The following ZFHX3 variants were observed in gnomAD, a reference collection of about 807,000 sequenced individuals.
The protein encoded by ZFHX3 is zinc finger homeobox protein 3.
In ZFHX3, 42 loss-of-function variants were observed where a neutral mutation model predicts 279.1. The observed-to-expected ratio is 0.15, with a 90% CI of 0.12 to 0.19. ZFHX3 has a LOEUF of 0.19. Ranked by LOEUF, ZFHX3 falls within the 10% of genes least tolerant of loss-of-function variation. The pLI, the probability that ZFHX3 is intolerant of heterozygous loss-of-function variation, is 1.00. For synonymous variants in ZFHX3, 2,293 were observed against 1,957.8 expected (o/e 1.17, Z -4.52); for missense variants, 4,981 against 4,754.0 (o/e 1.05, Z -1.40).
chr16:72,909,146 G>C (rs1421656792), intron 3 of ZFHX3, among the ~76,000 whole-genome samples: 1 of 152,174 alleles, frequency 6.6e-6, no homozygotes, highest in Non-Finnish European at 1.5e-5. Context: ...AAGCGGTTTG[G>C]GGAGAATAAT....
chr16:72,874,373 A>AT (rs1462955218), intron 4 of ZFHX3, among the ~76,000 whole-genome samples: 2 of 151,542 alleles, frequency 1.3e-5, no homozygotes, highest in East Asian at 1.9e-4. Flanking sequence ...CACCAGGCTA[A>AT]TTTTTTGTAT....
intron 7 of ZFHX3, among the ~76,000 whole-genome samples, chr16:73,103,907 C>G (rs1966261750): frequency 6.6e-6 from 1 of 152,082 alleles, no homozygotes; most frequent in South Asian, 2.1e-4. Context: ...ATGTAGTAAA[C>G]CAAGGCAAGG....
At chr16:73,128,383 C>T (rs1053310262) in intron 7 of ZFHX3, among the ~76,000 whole-genome samples, 1 of 152,208 alleles carries the variant, frequency 6.6e-6, no homozygotes, top group South Asian at 2.1e-4. Context: ...CTCAAAGCAA[C>T]CATGTGAAGA....
At chr16:73,873,442 A>G (rs567379366) in intron 1 of ZFHX3, among the ~76,000 whole-genome samples, 1 of 152,080 alleles carries the variant, frequency 6.6e-6, no homozygotes, top group African/African-American at 2.4e-5. Context: ...AAATCCTCCC[A>G]CTCATTTTAT....
Position 72,950,713 on chromosome 16 carries a change from T to A in ZFHX3, c.2972A>T (p.Tyr991Phe). 3.7e-6 allele frequency: 6 copies of A among 1,614,232 alleles called. No homozygotes were observed. Among genetic ancestry groups the A allele is most frequent in the Non-Finnish European group, 5.1e-6 (6 of 1,180,036 alleles). The change falls in exon 3 of 10, where the codon TAC (tyrosine) becomes TTC (phenylalanine). Residue 991 changes from tyrosine (Y) to phenylalanine (F), a missense_variant. Tyr to Phe is a conservative substitution (Grantham distance 22). Around this residue, in one of 7 missense-constraint regions of ZFHX3, gnomAD observed 1,751 missense variants for 1,770.0 expected, o/e 0.99. Transcript: ENST00000268489. The part of the protein sequence containing the change: ...GDSYQCKLCR[Y>F]NTQLKANFQL... ...GAAGTTGGCCTTGAGCTGGGTGTTG[T>A]AGCGGCAGAGCTTGCACTGGTATGA...
chr16:73,563,173 TGTGTGTGTGTGTGTGTGTGTGTG>T (rs768151406), intron 2 of ZFHX3, among the ~76,000 whole-genome samples: 2 of 2,782 alleles, frequency 7.2e-4, no homozygotes, highest in Non-Finnish European at 2.3e-3. Context: ...TGTTTTGTTG[TGTGTGTGTGTGTGTGTGTGTGTG>T]TGTGTGTGTG....
chr16:73,414,016 G>A (rs1178070379), intron 3 of ZFHX3, among the ~76,000 whole-genome samples: 1 of 152,214 alleles, frequency 6.6e-6, no homozygotes, highest in East Asian at 1.9e-4. Flanking sequence ...GACAAGTCCT[G>A]CAGTTAAAAA....
chr16:73,769,069 A>C (rs1174114708), intron 1 of ZFHX3, among the ~76,000 whole-genome samples: 1 of 152,172 alleles, frequency 6.6e-6, no homozygotes, highest in Non-Finnish European at 1.5e-5. Flanking sequence ...AATTCGAACT[A>C]AACTGGGCAT....
chr16:73,297,130 G>A (rs1402341299), intron 4 of ZFHX3, among the ~76,000 whole-genome samples: 1 of 151,776 alleles, frequency 6.6e-6, no homozygotes, highest in Non-Finnish European at 1.5e-5. Flanking sequence ...GCCCGCCTAG[G>A]CCTCCCAAAG....
intron 3 of ZFHX3, among the ~76,000 whole-genome samples, chr16:73,375,526 A>G (rs1345783022): frequency 1.3e-5 from 2 of 152,200 alleles, no homozygotes; most frequent in Admixed American, 1.3e-4. Flanking sequence ...GTAGACACAC[A>G]CACACTCCAT....
At chr16:73,569,526 TTTGA>T (rs1176739101) in intron 2 of ZFHX3, among the ~76,000 whole-genome samples, 2 of 151,852 alleles carry the variant, frequency 1.3e-5, no homozygotes, top group African/African-American at 2.4e-5. Context: ...CAATCCAAGC[TTTGA>T]TTGTTATTCT....
rs1175508037 is a variant in ZFHX3, at chr16:73,271,195, G to A, written c.-1193-14059C>T. 2.6e-5 allele frequency among the ~76,000 whole-genome samples: 4 copies of A among 152,126 alleles called. No individual in the cohort carries two copies. The East Asian group carries it at 5.8e-4, about 22-fold the overall frequency. On this transcript the variant is annotated intron_variant, in intron 4 of 17. Coordinates refer to the ZFHX3 transcript ENST00000641206. ...AGTGTCCACTAATGACCAGGTGTAG[G>A]CTACAAGCCACCGGGAAAGAGCCCA...
At chr16:72,983,522 C>T (rs1597053192) in intron 1 of ZFHX3, among the ~76,000 whole-genome samples, 1 of 152,276 alleles carries the variant, frequency 6.6e-6, no homozygotes, top group South Asian at 2.1e-4. Flanking sequence ...GCCACAGCAA[C>T]ATAGTAAGAC....
chr16:73,173,704 C>T (rs1303292443), intron 5 of ZFHX3, among the ~76,000 whole-genome samples: 4 of 152,056 alleles, frequency 2.6e-5, no homozygotes, highest in African/African-American at 9.7e-5. Flanking sequence ...CTGAAACGAC[C>T]ACAACCGCCC....
At chr16:73,804,948 A>C (rs1213084109) in intron 1 of ZFHX3, among the ~76,000 whole-genome samples, 1 of 114,804 alleles carries the variant, frequency 8.7e-6, no homozygotes, top group African/African-American at 3.3e-5. Context: ...GAGGGAGAGG[A>C]AGGGAGGGAG....
chr16:73,196,180 TG>T (rs575446660), intron 5 of ZFHX3, among the ~76,000 whole-genome samples: 77 of 105,396 alleles, frequency 7.3e-4, no homozygotes, highest in African/African-American at 2.8e-3. Context: ...GGGGGATGGG[TG>T]GGGGTTGGTG....
chr16:73,712,008 T>C (rs1174385430), intron 1 of ZFHX3, among the ~76,000 whole-genome samples: 2 of 152,236 alleles, frequency 1.3e-5, no homozygotes, highest in African/African-American at 4.8e-5. Flanking sequence ...CAGGAATGCA[T>C]CAATCACTTG....
chr16:73,485,737 A>ATG (rs1416649992), intron 2 of ZFHX3, among the ~76,000 whole-genome samples: 1 of 152,114 alleles, frequency 6.6e-6, no homozygotes, highest in East Asian at 1.9e-4. Flanking sequence ...CTGCCCTACC[A>ATG]TGTGACACAG....
At position 73,638,448 on chromosome 16, in the gene ZFHX3, T is replaced by A. The variant is rs186435323; in HGVS notation, c.-1547+41732A>T. On this transcript the variant is annotated intron_variant, in intron 2 of 17. Transcript: ENST00000641206. ...CTTGTCACTTTTCAATATTTAGACA[T>A]ACAGTATAAAGGTTGTCACCTGAAT... Among the ~76,000 whole-genome samples, 4 of 152,290 alleles carry A rather than the reference T, an allele frequency of 2.6e-5. No individual in the cohort carries two copies. In the East Asian group the frequency reaches 7.7e-4, roughly 29 times the overall value.
Sources: allele counts gnomAD v4.1 joint callset (sites outside exome capture counted in the v4.1 genomes callset), GRCh38; gene constraint gnomAD v4.1.1; regional missense constraint gnomAD v4.1.1; transcripts MANE v1.5; gene names NCBI Gene and HGNC (gene_info 2026-07-23, HGNC 2026-07-21).